CSNK1D: variants seen among roughly 807,000 people sequenced by gnomAD.
CSNK1D encodes casein kinase 1 delta, also known as casein kinase I isoform delta.
In CSNK1D, 16 loss-of-function variants were observed where a neutral mutation model predicts 46.6. The observed-to-expected ratio is 0.34, with a 90% confidence interval of 0.23 to 0.52. The LOEUF is 0.52. Ranked by LOEUF, CSNK1D falls within the 20% of genes least tolerant of loss-of-function variation. The pLI, the probability that CSNK1D is intolerant of heterozygous loss-of-function variation, is 0.95. For missense variants in CSNK1D, 398 were observed against 578.4 expected (o/e 0.69, Z 3.20); for synonymous variants, 276 against 228.2 (o/e 1.21, Z -1.89).
intron 3 of CSNK1D, chr17:82,253,491 TGAGGCGACAGA>T: frequency 4.0e-6 from 2 of 504,402 alleles, no homozygotes; most frequent in Admixed American, 2.7e-5. Flanking sequence ...AACAGAGAGG[TGAGGCGACAGA>T]GAGGGGACAA....
In CSNK1D at chr17:82,253,047, C is replaced by G. The variant is rs1203048739; in HGVS notation, c.534G>C (p.Arg178=). 3 of 1,614,188 alleles carry G rather than the reference C, an allele frequency of 1.9e-6. No individual in the cohort carries two copies. The highest frequency in any genetic ancestry group is 2.5e-6 in the Non-Finnish European group (3 of 1,180,026). The change falls in exon 4 of 9, where the codon CGG becomes CGC. Residue 178 remains arginine, a synonymous_variant. Transcript: ENST00000314028. The stretch of plus-strand genomic sequence containing the variant: ...CAAGGTGCGTGTTGATGGAGGCGTA[C>G]CGCGCCGTCCCCGTGAGGTTCTTGT... The part of the protein sequence containing the change: ...RENKNLTGTA[R]YASINTHLGI...
intron 3 of CSNK1D, chr17:82,254,242 G>C: frequency 3.9e-6 from 1 of 255,274 alleles, no homozygotes; most frequent in African/African-American, 3.6e-5. Flanking sequence ...AGAAGCCAGT[G>C]CAGTGCGCTG....
Position 82,243,025 on chromosome 17 carries a change from A to G in CSNK1D, c.*1756T>C. The G allele has an allele frequency of 7.1e-6, 7 of 985,432 alleles. No individual in the cohort carries two copies. The highest frequency in any genetic ancestry group is 8.4e-6 in the Non-Finnish European group (7 of 829,938). 61.0% of individuals were successfully genotyped at this position (985,432 alleles called of 1,614,324 possible). A position where few individuals can be genotyped will look rare whatever the true frequency, so the allele number is the denominator to read the frequency against. Reference sequence around the variant, plus strand: ...GTCTACCTTCAAGAAGGGGTCCAGCAACAAAGAAAATCTCTTAACTCGGCT... The same window carrying G: ...GTCTACCTTCAAGAAGGGGTCCAGCGACAAAGAAAATCTCTTAACTCGGCT... On this transcript the variant is annotated 3_prime_UTR_variant, in exon 9 of 9. Coordinates refer to ENST00000314028, the MANE Select transcript of CSNK1D (RefSeq NM_001893.6).
intron 1 of CSNK1D, among the ~76,000 whole-genome samples, chr17:82,266,228 CCT>C (rs923651294): frequency 4.6e-5 from 7 of 152,190 alleles, no homozygotes; most frequent in South Asian, 2.1e-4. Flanking sequence ...TGAGTTTCCC[CCT>C]GAGGAAGGGC....
Position 82,249,407 on chromosome 17 carries a change from G to C in CSNK1D, c.1057+24C>G. The C allele has an allele frequency of 6.5e-7, 1 of 1,533,232 alleles. No individual in the cohort carries two copies. The highest frequency in any genetic ancestry group is 8.7e-7 in the Non-Finnish European group (1 of 1,144,240). 95.0% of individuals were successfully genotyped at this position (1,533,232 alleles called of 1,614,324 possible). On this transcript the variant is annotated intron_variant, in intron 7 of 8. Coordinates refer to ENST00000314028, the MANE Select transcript of CSNK1D (RefSeq NM_001893.6). This position sits in a 1 kb window ranked among gnomAD's most constrained non-coding sequence, Gnocchi z 6.7. ...AGAAGTCACCCCAGAGCCAGCCCCA[G>C]AGCGCTGGGAGGGGGGCACTCACCC...
rs1441426188 is a variant in CSNK1D at position 82,249,793 on chromosome 17, C to T, written c.886-191G>A. On this transcript the variant is annotated intron_variant, in intron 6 of 8. Transcript: ENST00000314028. The surrounding 1 kb of genome is among the most constrained non-coding windows in gnomAD (Gnocchi z 6.7). ...GCATCATCCCCACAAGGGGTCAGAG[C>T]CAGGCCTCTCAGCTCCCCCAACAAT... 2 of 1,445,968 alleles carry T rather than the reference C, an allele frequency of 1.4e-6. No individual in the cohort carries two copies. Among genetic ancestry groups the T allele is most frequent in the East Asian group, 2.5e-5 (1 of 40,056 alleles). The allele number at this position is 1,445,968 out of a possible 1,614,324, so 89.6% of individuals were successfully genotyped here.
chr17:82,254,520 C>T (rs1204426921), intron 3 of CSNK1D: 5 of 181,472 alleles, frequency 2.8e-5, no homozygotes, highest in East Asian at 2.7e-4. Context: ...GCTGAGCCGC[C>T]GGAGCCTCCA....
chr17:82,249,371 C>A lies in CSNK1D; in HGVS notation c.1057+60G>T. The A allele has an allele frequency of 1.3e-6, 2 of 1,496,452 alleles. No homozygotes were observed. Among genetic ancestry groups the A allele is most frequent in the Non-Finnish European group, 1.8e-6 (2 of 1,111,078 alleles). The allele number at this position is 1,496,452 out of a possible 1,614,324, so 92.7% of individuals were successfully genotyped here. A position where few individuals can be genotyped will look rare whatever the true frequency, so the allele number is the denominator to read the frequency against. ...CAAGTACCCTGTTGTCCCCACCAACCCCAAGACACAAGAAGTCACCCCAGA... is the reference window on the plus strand; with the variant it reads ...CAAGTACCCTGTTGTCCCCACCAACACCAAGACACAAGAAGTCACCCCAGA... On this transcript the variant is annotated intron_variant, in intron 7 of 8. Coordinates refer to ENST00000314028, the MANE Select transcript of CSNK1D (RefSeq NM_001893.6). This position sits in a 1 kb window ranked among gnomAD's most constrained non-coding sequence, Gnocchi z 6.7.
Position 82,252,311 on chromosome 17 carries a change from C to T in CSNK1D, c.736+123G>A. On this transcript the variant is annotated intron_variant, in intron 5 of 8. Transcript: ENST00000314028. The surrounding 1 kb of genome is among the most constrained non-coding windows in gnomAD (Gnocchi z 4.6). ...ACACAAAAGCGCCCCGCTTTCCTGC[C>T]ACCACCCCTTTGGAAGGTGAGCAAC... The T allele has an allele frequency of 8.7e-7, 1 of 1,152,952 alleles. No individual in the cohort carries two copies. Among genetic ancestry groups the T allele is most frequent in the Non-Finnish European group, 1.3e-6 (1 of 763,738 alleles). The allele number at this position is 1,152,952 out of a possible 1,614,324, so 71.4% of individuals were successfully genotyped here.
intron 2 of CSNK1D, among the ~76,000 whole-genome samples, chr17:82,259,356 T>C (rs1429728433): frequency 1.3e-4 from 20 of 152,220 alleles, no homozygotes; most frequent in Admixed American, 7.9e-4. Flanking sequence ...TTACATCACA[T>C]CACATGCCAG....
At position 82,248,944 on chromosome 17, in the gene CSNK1D, C is replaced by T. The variant is rs908347546; in HGVS notation, c.1128G>A (p.Gly376=). 1.9e-6 allele frequency: 3 copies of T among 1,602,102 alleles called. No individual in the cohort carries two copies. The highest frequency in any genetic ancestry group is 2.3e-5 in the East Asian group (1 of 44,358). The change falls in exon 8 of 9, where the codon GGG becomes GGA. Residue 376 remains glycine (G), a synonymous_variant. Transcript: ENST00000314028. This position sits in a 1 kb window ranked among gnomAD's most constrained non-coding sequence, Gnocchi z 4.1. ...CGGACGAGGAGATGTTGACGGGGGC[C>T]CCGCGGTGCAGCCGCATACTCACTT... ...ERKVSMRLHR[G]APVNISSSDL...
chr17:82,249,271 A>C lies in CSNK1D; in HGVS notation c.1057+160T>G, dbSNP rs2050933980. ...CACCAGCAGGTGCCGGCATTTCTAA[A>C]GGCGCCTGGGCAGCCTGGCTCATCC... On this transcript the variant is annotated intron_variant, in intron 7 of 8. Coordinates refer to ENST00000314028, the MANE Select transcript of CSNK1D (RefSeq NM_001893.6). The surrounding 1 kb of genome is among the most constrained non-coding windows in gnomAD (Gnocchi z 6.7). 4 of 852,066 alleles carry C rather than the reference A, an allele frequency of 4.7e-6. No homozygotes were observed. The African/African-American group carries it at 5.1e-5, about 11-fold the overall frequency. The allele number at this position is 852,066 out of a possible 1,614,324, so 52.8% of individuals were successfully genotyped here. A position where few individuals can be genotyped will look rare whatever the true frequency, so the allele number is the denominator to read the frequency against.
Position 82,252,443 on chromosome 17 carries a change from C to T in CSNK1D, c.727G>A (p.Gly243Ser), listed in dbSNP as rs753528330. The T allele has an allele frequency of 2.5e-6, 4 of 1,614,174 alleles. No individual in the cohort carries two copies. Among genetic ancestry groups the T allele is most frequent in the Non-Finnish European group, 3.4e-6 (4 of 1,180,036 alleles). Residue 243 changes from glycine to serine, a missense_variant, in exon 5 of 9, where the codon GGC (glycine) becomes AGC (serine). By Grantham distance (56) the Gly-to-Ser change is moderately conservative. Around this residue, in one of 2 missense-constraint regions of CSNK1D, gnomAD observed 217 missense variants for 370.3 expected, o/e 0.59. Coordinates refer to ENST00000314028, the MANE Select transcript of CSNK1D (RefSeq NM_001893.6). The surrounding 1 kb of genome is among the most constrained non-coding windows in gnomAD (Gnocchi z 4.6). The stretch of plus-strand genomic sequence containing the variant: ...GCCTCCAGAGACTTACAAGGGTAGC[C>T]TTTACACAACACTTCGATGGGGGTG... Reference protein sequence around the residue: ...MSTPIEVLCKGYPSEFATYLN... With the variant: ...MSTPIEVLCKSYPSEFATYLN...
At position 82,251,943 on chromosome 17, in the gene CSNK1D, G is replaced by A. The variant is rs928366529; in HGVS notation, c.737-416C>T. On this transcript the variant is annotated intron_variant, in intron 5 of 8. Coordinates refer to ENST00000314028, the MANE Select transcript of CSNK1D (RefSeq NM_001893.6). The surrounding 1 kb of genome is among the most constrained non-coding windows in gnomAD (Gnocchi z 4.5). ...CGGGAGGCGGAGCTTGCAGTGAGCC[G>A]AGATCACGCCACTGCACTCTAGCCT... The A allele has an allele frequency of 3.1e-5, 10 of 323,158 alleles. No individual in the cohort carries two copies. The highest frequency in any genetic ancestry group is 1.1e-4 in the African/African-American group (5 of 46,064). The allele number at this position is 323,158 out of a possible 1,614,324, so 20.0% of individuals were successfully genotyped here.
At position 82,251,826 on chromosome 17, in the gene CSNK1D, T is replaced by TG. The variant is rs563539413; in HGVS notation, c.737-300dup. 1,064 of 303,974 alleles carry TG rather than the reference T, an allele frequency of 3.5e-3. 3 individuals are homozygous for TG. The highest frequency in any genetic ancestry group is 0.022 in the South Asian group (695 of 31,924). 18.8% of individuals were successfully genotyped at this position (303,974 alleles called of 1,614,324 possible). On this transcript the variant is annotated intron_variant, in intron 5 of 8. Coordinates refer to ENST00000314028, the MANE Select transcript of CSNK1D (RefSeq NM_001893.6). The surrounding 1 kb of genome is among the most constrained non-coding windows in gnomAD (Gnocchi z 4.5). ...TAACACAGTGAAACCCCATCTCTACTGAAAAAAAAAAAAAAAAAGTTCTAG... is the reference window on the plus strand; with the variant it reads ...TAACACAGTGAAACCCCATCTCTACTGGAAAAAAAAAAAAAAAAAGTTCTAG...
At chr17:82,265,198 G>C (rs1332710367) in intron 2 of CSNK1D, 1 of 195,818 alleles carries the variant, frequency 5.1e-6, no homozygotes, top group Non-Finnish European at 1.1e-5. Flanking sequence ...TTTTTGGGGG[G>C]GACAGGGTCT....
At position 82,255,111 on chromosome 17, in the gene CSNK1D, G is replaced by A. The variant is rs1408446730; in HGVS notation, c.336+318C>T. On this transcript the variant is annotated intron_variant, in intron 3 of 8. Coordinates refer to ENST00000314028, the MANE Select transcript of CSNK1D (RefSeq NM_001893.6). The surrounding 1 kb of genome is among the most constrained non-coding windows in gnomAD (Gnocchi z 5.9). ...AGCTGGGCCGCCGGAGCCTCGAGAA[G>A]CCAGTGAGCTGAGCCGTCGGAGCCT... 5.7e-5 allele frequency: 23 copies of A among 402,062 alleles called. No homozygotes were observed. The highest frequency in any genetic ancestry group is 7.4e-5 in the Admixed American group (2 of 27,142). The allele number at this position is 402,062 out of a possible 1,614,324, so 24.9% of individuals were successfully genotyped here.
intron 2 of CSNK1D, among the ~76,000 whole-genome samples, chr17:82,257,277 T>C (rs2051196965): frequency 6.6e-6 from 1 of 152,216 alleles, no homozygotes; most frequent in Non-Finnish European, 1.5e-5. Context: ...GAGGCAAGTA[T>C]CTCTCAGTTA....
In CSNK1D at chr17:82,244,248, C is replaced by T. The variant is rs762812041; in HGVS notation, c.*533G>A. The T allele has an allele frequency of 1.2e-5, 13 of 1,083,190 alleles. No homozygotes were observed. The highest frequency in any genetic ancestry group is 1.4e-5 in the Non-Finnish European group (12 of 886,872). The allele number at this position is 1,083,190 out of a possible 1,614,324, so 67.1% of individuals were successfully genotyped here. A position where few individuals can be genotyped will look rare whatever the true frequency, so the allele number is the denominator to read the frequency against. ...CCCTTGAGATCCACCTGCACCTTCT[C>T]CCTGCCCGACTCCACCTCATACACT... On this transcript the variant is annotated 3_prime_UTR_variant, in exon 9 of 9. Coordinates refer to ENST00000314028, the MANE Select transcript of CSNK1D (RefSeq NM_001893.6).
Sources: gnomAD v4.1 joint callset for allele counts (sites outside exome capture counted in the v4.1 genomes callset) on GRCh38, gnomAD v4.1.1 for gene constraint, gnomAD v4.1.1 regional missense constraint, Gnocchi (gnomAD v3.1) non-coding constraint, MANE v1.5 for transcripts, NCBI Gene and HGNC (gene_info 2026-07-23, HGNC 2026-07-21) for gene names.